The following DLG2 variants were observed in gnomAD, a reference collection of about 807,000 sequenced individuals.
The protein encoded by DLG2 is discs large MAGUK scaffold protein 2, also known as disks large homolog 2.
DLG2 carries 45 observed loss-of-function variants against 132.5 expected under a neutral mutation model. The observed-to-expected ratio is 0.34, with a 90% CI of 0.27 to 0.44. The LOEUF (loss-of-function observed/expected upper bound fraction) is 0.44. DLG2 is among the 20% of genes least tolerant of loss of function. The pLI is 1.00. For synonymous variants in DLG2, 424 were observed against 419.6 expected (o/e 1.01, Z -0.13); for missense variants, 1,045 against 1,196.9 (o/e 0.87, Z 1.87).
At chr11:85,251,367 C>T (rs1479829968) in intron 4 of DLG2, among the ~76,000 whole-genome samples, 3 of 152,122 alleles carry the variant, frequency 2.0e-5, no homozygotes, top group African/African-American at 7.2e-5. Context: ...TTATATATAT[C>T]CCATATATTT....
At chr11:83,880,590 T>C (rs943720666) in intron 15 of DLG2, among the ~76,000 whole-genome samples, 7 of 152,126 alleles carry the variant, frequency 4.6e-5, no homozygotes, top group Non-Finnish European at 2.9e-5. Context: ...CCTTCAAAAA[T>C]AGACAGACTC....
chr11:83,462,186 CAT>C, intron 26 of DLG2, 93 bp from the exon 27 acceptor site: 1 of 845,300 alleles, frequency 1.2e-6, no homozygotes. Flanking sequence ...CTACAGAAAA[CAT>C]AGTGTAATCT....
At chr11:84,497,645 A>G (rs2099188527) in intron 7 of DLG2, among the ~76,000 whole-genome samples, 1 of 152,184 alleles carries the variant, frequency 6.6e-6, no homozygotes, top group Non-Finnish European at 1.5e-5. Flanking sequence ...CATAATACAA[A>G]TTAGAATTCT....
chr11:85,168,796 T>G (rs1241564365), intron 4 of DLG2, among the ~76,000 whole-genome samples: 1 of 152,204 alleles, frequency 6.6e-6, no homozygotes, highest in East Asian at 1.9e-4. Context: ...TAGCTGGTCT[T>G]ATCTAGTACC....
At chr11:84,586,318 C>A (rs1192650738) in intron 6 of DLG2, among the ~76,000 whole-genome samples, 1 of 152,050 alleles carries the variant, frequency 6.6e-6, no homozygotes, top group Non-Finnish European at 1.5e-5. Context: ...ATATCATGAT[C>A]TTCTTTAACT....
chr11:83,753,877 TATATATC>T (rs199753954), intron 18 of DLG2, among the ~76,000 whole-genome samples: 23,471 of 54,410 alleles, frequency 0.43, 4,041 homozygotes, highest in African/African-American at 0.64. Flanking sequence ...ATATATATGA[TATATATC>T]ATATATATCA....
At chr11:84,418,555 C>A (rs1230457431) in intron 7 of DLG2, among the ~76,000 whole-genome samples, 2 of 152,066 alleles carry the variant, frequency 1.3e-5, no homozygotes, top group African/African-American at 2.4e-5. Flanking sequence ...TGGTGGAGTC[C>A]ATGCTTTTAA....
chr11:85,167,593 A>T (rs1188751211), intron 4 of DLG2, among the ~76,000 whole-genome samples: 3 of 152,142 alleles, frequency 2.0e-5, no homozygotes, highest in African/African-American at 7.2e-5. Context: ...GAACCTGAAC[A>T]AACAGGCCTT....
chr11:84,950,401 A>G (rs994659292), intron 6 of DLG2, among the ~76,000 whole-genome samples: 1 of 152,004 alleles, frequency 6.6e-6, no homozygotes, highest in Non-Finnish European at 1.5e-5. Context: ...TTTTGAAAAT[A>G]GATATAACAC....
At chr11:85,045,680 G>C (rs2062274730) in intron 6 of DLG2, among the ~76,000 whole-genome samples, 1 of 151,976 alleles carries the variant, frequency 6.6e-6, no homozygotes, top group African/African-American at 2.4e-5. Context: ...AAAAGACCAA[G>C]TTTTCAACAT....
chr11:85,247,776 G>A lies in DLG2; in HGVS notation c.186+37444C>T, dbSNP rs995732620. Among the ~76,000 whole-genome samples, 9 of 151,990 alleles carry A rather than the reference G, an allele frequency of 5.9e-5. 1 individual carries two copies. Among genetic ancestry groups the A allele is most frequent in the African/African-American group, 2.2e-4 (9 of 41,398 alleles). ...AGGCTTAGCTTGCTATCCTGAGCAT[G>A]AGCATTAATATATAGACTAGCTCAT... On this transcript the variant is annotated intron_variant, in intron 4 of 27. Transcript: ENST00000376104.
At chr11:84,450,927 C>G (rs2099049828) in intron 7 of DLG2, among the ~76,000 whole-genome samples, 1 of 151,198 alleles carries the variant, frequency 6.6e-6, no homozygotes, top group African/African-American at 2.4e-5. Flanking sequence ...GAAGAAATAA[C>G]ATAGGGAACA....
At chr11:84,337,989 A>G (rs1006323905) in intron 7 of DLG2, among the ~76,000 whole-genome samples, 11 of 152,204 alleles carry the variant, frequency 7.2e-5, no homozygotes, top group Admixed American at 7.2e-4. Context: ...AGAGAAGTAA[A>G]CTTTATTAAG....
Position 84,286,015 on chromosome 11 carries a change from C to A in DLG2, c.520-34724G>T, listed in dbSNP as rs1260205273. Among the ~76,000 whole-genome samples, 3 of 152,102 alleles carry A rather than the reference C, an allele frequency of 2.0e-5. No homozygotes were observed. In the South Asian group the frequency reaches 6.2e-4, roughly 32 times the overall value. Reference sequence around the variant, plus strand: ...ACACACTGAGTGGTTCAATGAGAGGCCCCTGAATCACATCATCAATAAACG... The same window carrying A: ...ACACACTGAGTGGTTCAATGAGAGGACCCTGAATCACATCATCAATAAACG... On this transcript the variant is annotated intron_variant, in intron 7 of 27. Coordinates refer to ENST00000376104, the MANE Select transcript of DLG2 (RefSeq NM_001142699.3).
intron 18 of DLG2, among the ~76,000 whole-genome samples, chr11:83,704,538 C>T (rs767860193): frequency 8.5e-4 from 128 of 151,212 alleles, no homozygotes; most frequent in Non-Finnish European, 1.5e-3. Flanking sequence ...ATAATTTGAC[C>T]GACTGAGGTG....
intron 10 of DLG2, among the ~76,000 whole-genome samples, chr11:84,094,456 T>C (rs1196578788): frequency 6.6e-6 from 1 of 152,186 alleles, no homozygotes; most frequent in African/African-American, 2.4e-5. Flanking sequence ...TTAGTTTCTC[T>C]GTAAATGTTA....
At chr11:83,673,164 A>G (rs911770484) in intron 18 of DLG2, among the ~76,000 whole-genome samples, 1 of 152,208 alleles carries the variant, frequency 6.6e-6, no homozygotes, top group African/African-American at 2.4e-5. Flanking sequence ...AAAAACATAT[A>G]TTTGTCCATA....
At chr11:84,566,280 T>C (rs2099455235) in intron 6 of DLG2, among the ~76,000 whole-genome samples, 1 of 152,144 alleles carries the variant, frequency 6.6e-6, no homozygotes, top group Non-Finnish European at 1.5e-5. Flanking sequence ...ATTATTTTTA[T>C]CTTATGTCTT....
At chr11:84,257,643 C>T (rs1400652987) in intron 7 of DLG2, among the ~76,000 whole-genome samples, 1 of 151,372 alleles carries the variant, frequency 6.6e-6, no homozygotes, top group Non-Finnish European at 1.5e-5. Context: ...TCTACTGCCC[C>T]TTAGAATGAA....
Sources: gnomAD v4.1 joint callset for allele counts (sites outside exome capture counted in the v4.1 genomes callset) on GRCh38, gnomAD v4.1.1 for gene constraint, MANE v1.5 for transcripts, NCBI Gene and HGNC (gene_info 2026-07-23, HGNC 2026-07-21) for gene names.